The following CDC42BPA variants were observed in gnomAD, a reference collection of about 807,000 sequenced individuals.
The protein encoded by CDC42BPA is CDC42 binding protein kinase alpha.
Under a neutral mutation model 223.5 loss-of-function variants are expected in CDC42BPA, and 80 were observed. The ratio of observed to expected loss-of-function variants is 0.36; its 90% CI spans 0.30 to 0.43. The LOEUF (loss-of-function observed/expected upper bound fraction) is 0.43, where lower values mean the gene tolerates loss of function less well. Ranked by LOEUF, CDC42BPA falls within the 20% of genes least tolerant of loss-of-function variation. The pLI is 1.00. For synonymous variants in CDC42BPA, 694 were observed against 718.6 expected, an observed-to-expected ratio of 0.97 and a Z score of 0.55; for missense variants, 1,743 against 2,099.9, an observed-to-expected ratio of 0.83 and a Z score of 3.32.
At chr1:227,048,753 G>GGAAAAA (rs1553313427) in intron 22 of CDC42BPA, among the ~76,000 whole-genome samples, 2 of 112,522 alleles carry the variant, frequency 1.8e-5, no homozygotes, top group Non-Finnish European at 1.8e-5. Flanking sequence ...AAAGTAGTGA[G>GGAAAAA]AAAAAAAAAA....
At chr1:227,169,123 T>G (rs1665665139) in intron 5 of CDC42BPA, among the ~76,000 whole-genome samples, 1 of 152,198 alleles carries the variant, frequency 6.6e-6, no homozygotes, top group Non-Finnish European at 1.5e-5. Flanking sequence ...TTCCATTTGA[T>G]TTGTTTCTAG....
In CDC42BPA at chr1:226,994,218, G is replaced by A. The variant is rs765625128; in HGVS notation, c.*50C>T. ...TGGAGGGAAGAGATGAAAGTGAGAG[G>A]AGGCGAGTGGCAGGGAGCGGAGAGC... is the stretch of plus-strand genomic sequence containing the variant. On this transcript the variant is annotated 3_prime_UTR_variant, in exon 37 of 37. Transcript: ENST00000366766. The surrounding 1 kb of genome is among the most constrained non-coding windows in gnomAD (Gnocchi z 4.0). 46 of 1,534,282 alleles carry A rather than the reference G, an allele frequency of 3.0e-5. 1 individual carries two copies. In the Admixed American group the frequency reaches 8.3e-4, roughly 28 times the overall value.
chr1:227,206,165 C>T (rs373708744), intron 3 of CDC42BPA, among the ~76,000 whole-genome samples: 19 of 152,302 alleles, frequency 1.2e-4, no homozygotes, highest in East Asian at 7.7e-4. Context: ...TGTTAATGAG[C>T]GAAGTCAGTA....
intron 23 of CDC42BPA, among the ~76,000 whole-genome samples, chr1:227,046,746 T>C (rs1672529577): frequency 6.6e-6 from 1 of 152,176 alleles, no homozygotes; most frequent in Admixed American, 6.5e-5. Flanking sequence ...AGAAGGGGTA[T>C]GGGAACAGTA....
intron 1 of CDC42BPA, among the ~76,000 whole-genome samples, chr1:227,306,819 A>C (rs1692637392): frequency 1.3e-5 from 2 of 152,146 alleles, no homozygotes; most frequent in East Asian, 3.8e-4. Flanking sequence ...ATCTTTTCAA[A>C]CAAGTATTTT....
At chr1:227,184,213 T>C (rs538176460) in intron 5 of CDC42BPA, among the ~76,000 whole-genome samples, 2 of 152,290 alleles carry the variant, frequency 1.3e-5, no homozygotes, top group Admixed American at 6.5e-5. Flanking sequence ...GTCCCATTTA[T>C]TCATTTTTAT....
chr1:227,053,108 G>C (rs960750961), intron 21 of CDC42BPA, among the ~76,000 whole-genome samples: 6 of 152,094 alleles, frequency 3.9e-5, no homozygotes, highest in Non-Finnish European at 8.8e-5. Flanking sequence ...ATCTCTAAGG[G>C]CACAAATTGT....
chr1:226,991,418 A>C lies in CDC42BPA; in HGVS notation c.*2850T>G, dbSNP rs576980963. On this transcript the variant is annotated 3_prime_UTR_variant, in exon 37 of 37. Transcript: ENST00000366766. ...GTCTTTTCACATCATTCTTCTCAGA[A>C]GCTTCTGGAGGTAACAGGCTTCATA... The C allele has an allele frequency of 2.6e-5, 4 of 152,292 alleles. No individual in the cohort carries two copies. The highest frequency in any genetic ancestry group is 9.6e-5 in the African/African-American group (4 of 41,556). The allele number at this position is 152,292 out of a possible 1,614,324, so 9.4% of individuals were successfully genotyped here.
intron 2 of CDC42BPA, among the ~76,000 whole-genome samples, chr1:227,213,952 CTA>C (rs1207846583): frequency 6.6e-6 from 1 of 152,110 alleles, no homozygotes; most frequent in Non-Finnish European, 1.5e-5. Context: ...GATTACATTT[CTA>C]TCTCTCTGCT....
chr1:227,056,669 G>A (rs1447505347), intron 21 of CDC42BPA, among the ~76,000 whole-genome samples: 4 of 152,114 alleles, frequency 2.6e-5, no homozygotes, highest in Non-Finnish European at 5.9e-5. Flanking sequence ...GGGATTACAG[G>A]CGTGAGCTAC....
rs547031364 is a variant in CDC42BPA at position 227,162,482 on chromosome 1, A to T, written c.600-1846T>A. Among the ~76,000 whole-genome samples, 8 of 152,344 alleles carry T rather than the reference A, an allele frequency of 5.3e-5. No individual in the cohort carries two copies. The South Asian group carries it at 1.7e-3, about 32-fold the overall frequency. Reference sequence around the variant, plus strand: ...ACTTTTTAAAATGTCTTTATAAATGACACCAAACTGTGCATTGCCTTTTGC... The same window carrying T: ...ACTTTTTAAAATGTCTTTATAAATGTCACCAAACTGTGCATTGCCTTTTGC... On this transcript the variant is annotated intron_variant, in intron 5 of 36. Coordinates refer to ENST00000366766, the MANE Select transcript of CDC42BPA (RefSeq NM_001394014.1).
In CDC42BPA at chr1:226,994,273, G is replaced by A; in HGVS notation, c.5260C>T (p.Pro1754Ser). ...LESTDRGSWD[P>S] ...GGTCCCAGTGCTGAGGCAGCTCACG[G>A]GTCCCAGCTCCCGCGGTCAGTGCTC... Residue 1754 changes from proline (P) to serine (S), a missense_variant, in exon 37 of 37, where the codon CCG becomes TCG. Physicochemically the swap from Pro to Ser is moderately conservative, Grantham distance 74. This residue lies in a region of CDC42BPA where 200 missense variants were observed against 192.8 expected (regional missense o/e 1.04). Coordinates refer to ENST00000366766, the MANE Select transcript of CDC42BPA (RefSeq NM_001394014.1). This position sits in a 1 kb window ranked among gnomAD's most constrained non-coding sequence, Gnocchi z 4.0. 6.3e-7 allele frequency: 1 copy of A among 1,579,570 alleles called. No individual in the cohort carries two copies. The highest frequency in any genetic ancestry group is 8.6e-7 in the Non-Finnish European group (1 of 1,160,538).
Position 227,152,958 on chromosome 1 carries a change from T to C in CDC42BPA, c.694-5399A>G, listed in dbSNP as rs569698487. 3.3e-4 allele frequency among the ~76,000 whole-genome samples: 50 copies of C among 152,050 alleles called. No individual in the cohort carries two copies. The South Asian group carries it at 6.6e-3, about 20-fold the overall frequency. ...TAAATATATCCTCATGCCAAAATCA[T>C]TGTGAGATTTTTTAAAAATTCATTA... is the stretch of plus-strand genomic sequence containing the variant. On this transcript the variant is annotated intron_variant, in intron 6 of 36. Transcript: ENST00000366766.
intron 14 of CDC42BPA, among the ~76,000 whole-genome samples, chr1:227,110,374 A>G (rs985763100): frequency 3.9e-5 from 6 of 152,216 alleles, no homozygotes; most frequent in Non-Finnish European, 5.9e-5. Context: ...TAGGTGTTAT[A>G]TTATCTCAAA....
intron 28 of CDC42BPA, among the ~76,000 whole-genome samples, 154 bp downstream of exon 28, chr1:227,031,144 T>C (rs549254728): frequency 1.3e-5 from 2 of 152,318 alleles, no homozygotes; most frequent in South Asian, 2.1e-4. Context: ...AGATCTGATA[T>C]AGGTCTCATT....
At chr1:227,083,900 TTC>T (rs1449378925) in intron 16 of CDC42BPA, among the ~76,000 whole-genome samples, 2 of 152,224 alleles carry the variant, frequency 1.3e-5, no homozygotes, top group Non-Finnish European at 2.9e-5. Flanking sequence ...ACTTCCATTT[TTC>T]TCTCTCCAGC....
In CDC42BPA at chr1:227,028,997, T is replaced by C. The variant is rs1162677086; in HGVS notation, c.4092A>G (p.Glu1364=). 6.2e-7 allele frequency: 1 copy of C among 1,614,054 alleles called. No individual in the cohort carries two copies. Among genetic ancestry groups the C allele is most frequent in the South Asian group, 1.1e-5 (1 of 91,086 alleles). The change falls in exon 30 of 37, where the codon GAA becomes GAG. Residue 1364 remains glutamate, a synonymous_variant. Coordinates refer to ENST00000366766, the MANE Select transcript of CDC42BPA (RefSeq NM_001394014.1). ...TGTGACGGGTCTTGCTCTGAAATAGTTCATAACAGAGGACCTGCCTTTTCA... is the reference window on the plus strand; with the variant it reads ...TGTGACGGGTCTTGCTCTGAAATAGCTCATAACAGAGGACCTGCCTTTTCA... The part of the protein sequence containing the change: ...VAMKRQVLCY[E]LFQSKTRHRK...
Position 227,140,974 on chromosome 1 carries a change from T to C in CDC42BPA, c.1224-1232A>G, listed in dbSNP as rs200172255. On this transcript the variant is annotated intron_variant, in intron 9 of 36. Transcript: ENST00000366766. Reference sequence around the variant, plus strand: ...CAGGGAAATCAGGAGGGATCAGGTATGGAGACTGAGAAGGAATGACCAGCA... The same window carrying C: ...CAGGGAAATCAGGAGGGATCAGGTACGGAGACTGAGAAGGAATGACCAGCA... Among the ~76,000 whole-genome samples the C allele has an allele frequency of 7.9e-5, 12 of 152,214 alleles. No individual in the cohort carries two copies. The East Asian group carries it at 2.3e-3, about 29-fold the overall frequency.
rs553316795 is a variant in CDC42BPA at position 227,229,794 on chromosome 1, C to T, written c.271-16575G>A. Among the ~76,000 whole-genome samples, 13 of 152,278 alleles carry T rather than the reference C, an allele frequency of 8.5e-5. No homozygotes were observed. The East Asian group carries it at 2.5e-3, about 29-fold the overall frequency. On this transcript the variant is annotated intron_variant, in intron 2 of 36. Transcript: ENST00000366766. Reference sequence around the variant, plus strand: ...GCCATTTTTCCATTATCTTCAACTTCTATCATTTCTGTTAGAAGTGAACTG... The same window carrying T: ...GCCATTTTTCCATTATCTTCAACTTTTATCATTTCTGTTAGAAGTGAACTG...
Sources: gnomAD v4.1 joint callset for allele counts (sites outside exome capture counted in the v4.1 genomes callset) on GRCh38, gnomAD v4.1.1 for gene constraint, gnomAD v4.1.1 regional missense constraint, Gnocchi (gnomAD v3.1) non-coding constraint, MANE v1.5 for transcripts, NCBI Gene and HGNC (gene_info 2026-07-23, HGNC 2026-07-21) for gene names.